Variants in COMMD1 observed in about 807,000 individuals in gnomAD.
COMMD1 encodes copper metabolism domain containing 1, also known as COMM domain-containing protein 1.
Under a neutral mutation model 17.2 loss-of-function variants are expected in COMMD1, and 10 were observed. The ratio of observed to expected loss-of-function variants is 0.58; its 90% confidence interval spans 0.36 to 0.99. The LOEUF (loss-of-function observed/expected upper bound fraction) is 0.99, where lower values mean the gene tolerates loss of function less well. COMMD1 is among the 50% of genes least tolerant of loss of function. COMMD1 has a pLI of 0.01. For synonymous variants in COMMD1, 97 were observed against 91.6 expected, an observed-to-expected ratio of 1.06 and a Z score of -0.34; for missense variants, 270 against 231.8, an observed-to-expected ratio of 1.17 and a Z score of -1.07.
At chr2:62,108,082 T>C (rs897846462) in intron 2 of COMMD1, among the ~76,000 whole-genome samples, 32 of 152,190 alleles carry the variant, frequency 2.1e-4, no homozygotes, top group African/African-American at 7.5e-4. Flanking sequence ...CTGAACTGTC[T>C]TCTCTCCCAT....
At chr2:62,004,357 G>T (rs946219422) in intron 2 of COMMD1, among the ~76,000 whole-genome samples, 3 of 152,156 alleles carry the variant, frequency 2.0e-5, no homozygotes, top group African/African-American at 7.2e-5. Flanking sequence ...CTGGAGTGCA[G>T]TGGCACAATC....
intron 2 of COMMD1, among the ~76,000 whole-genome samples, chr2:62,129,832 G>A (rs1203889509): frequency 6.6e-6 from 1 of 152,098 alleles, no homozygotes; most frequent in Non-Finnish European, 1.5e-5. Flanking sequence ...CATATGAAAG[G>A]ACAGCCCAAA....
intron 1 of COMMD1, among the ~76,000 whole-genome samples, chr2:61,944,507 T>G (rs1670855402): frequency 6.6e-6 from 1 of 152,040 alleles, no homozygotes; most frequent in Non-Finnish European, 1.5e-5. Context: ...GAACTAGAAT[T>G]AGGATCCTAG....
intron 2 of COMMD1, among the ~76,000 whole-genome samples, chr2:62,023,516 T>C (rs1669670541): frequency 1.3e-5 from 2 of 151,876 alleles, no homozygotes; most frequent in Admixed American, 1.3e-4. Context: ...AGAATTTCTC[T>C]CTTGTCACCC....
chr2:62,045,057 A>C (rs553035188), intron 2 of COMMD1, among the ~76,000 whole-genome samples: 5 of 152,284 alleles, frequency 3.3e-5, no homozygotes, highest in African/African-American at 1.2e-4. Flanking sequence ...GAGGCTGGCC[A>C]TGTGGGAAAA....
intron 1 of COMMD1, among the ~76,000 whole-genome samples, chr2:61,963,316 G>C (rs1671416260): frequency 6.6e-6 from 1 of 151,896 alleles, no homozygotes; most frequent in East Asian, 1.9e-4. Flanking sequence ...TATTGAACCT[G>C]AGGGGGTAGT....
At chr2:62,065,951 T>C (rs191498331) in intron 2 of COMMD1, among the ~76,000 whole-genome samples, 1 of 152,220 alleles carries the variant, frequency 6.6e-6, no homozygotes, top group Non-Finnish European at 1.5e-5. Context: ...GAGTGGGAAA[T>C]AGCTAGTCAC....
At chr2:61,957,777 C>T (rs1034127022) in intron 1 of COMMD1, among the ~76,000 whole-genome samples, 1 of 152,110 alleles carries the variant, frequency 6.6e-6, no homozygotes, top group Non-Finnish European at 1.5e-5. Context: ...AATCCATTCT[C>T]TAATAAACCA....
At chr2:62,019,258 C>T (rs997692783) in intron 2 of COMMD1, among the ~76,000 whole-genome samples, 1 of 151,820 alleles carries the variant, frequency 6.6e-6, no homozygotes, top group Non-Finnish European at 1.5e-5. Flanking sequence ...ACTACAACCT[C>T]TGCCTCCTGG....
At chr2:62,058,093 A>T (rs1670758695) in intron 2 of COMMD1, among the ~76,000 whole-genome samples, 1 of 152,218 alleles carries the variant, frequency 6.6e-6, no homozygotes, top group Admixed American at 6.5e-5. Flanking sequence ...TAAGTTTACA[A>T]TAAATCTTTT....
Position 61,905,688 on chromosome 2 carries a change from G to C in COMMD1, c.10G>C (p.Gly4Arg). The C allele has an allele frequency of 6.4e-7, 1 of 1,565,484 alleles. No homozygotes were observed. The highest frequency in any genetic ancestry group is 8.7e-7 in the Non-Finnish European group (1 of 1,153,100). MAAGELEGGKPLSG... is the reference protein window; with the variant it reads MAARELEGGKPLSG... ...GGGGCCTTCGCAGAGCATGGCGGCGGGCGAGCTTGAGGGTGGCAAACCCCT... is the reference window on the plus strand; with the variant it reads ...GGGGCCTTCGCAGAGCATGGCGGCGCGCGAGCTTGAGGGTGGCAAACCCCT... Residue 4 changes from glycine (G) to arginine (R), a missense_variant, in exon 1 of 3, where the codon GGC becomes CGC. Gly to Arg is a moderately radical substitution (Grantham distance 125). Coordinates refer to ENST00000311832, the MANE Select transcript of COMMD1 (RefSeq NM_152516.4).
chr2:61,911,835 A>G (rs1669915521), intron 1 of COMMD1, among the ~76,000 whole-genome samples: 1 of 152,188 alleles, frequency 6.6e-6, no homozygotes, highest in African/African-American at 2.4e-5. Flanking sequence ...CTTCTGCCCT[A>G]GGCCACAGGT....
chr2:62,015,562 G>A (rs188745075), intron 2 of COMMD1, among the ~76,000 whole-genome samples: 7 of 152,062 alleles, frequency 4.6e-5, no homozygotes, highest in Admixed American at 2.6e-4. Context: ...TGGATCATAC[G>A]GTAATTCTAT....
At chr2:61,937,023 C>T (rs112051764) in intron 1 of COMMD1, among the ~76,000 whole-genome samples, 143 of 152,024 alleles carry the variant, frequency 9.4e-4, no homozygotes, top group African/African-American at 3.4e-3. Flanking sequence ...CCAGGTCATA[C>T]GTAGATTTAA....
At chr2:61,993,794 C>T (rs1668661021) in intron 1 of COMMD1, among the ~76,000 whole-genome samples, 1 of 152,064 alleles carries the variant, frequency 6.6e-6, no homozygotes, top group Admixed American at 6.6e-5. Flanking sequence ...TTGACTGGAA[C>T]CCAACCAAAA....
chr2:61,976,283 C>A (rs566006679), intron 1 of COMMD1, among the ~76,000 whole-genome samples: 30 of 149,490 alleles, frequency 2.0e-4, no homozygotes, highest in Non-Finnish European at 3.7e-4. Context: ...CTATAAAAAA[C>A]CCATTTTAAA....
intron 1 of COMMD1, among the ~76,000 whole-genome samples, chr2:61,973,394 G>T (rs57455158): frequency 9.8e-5 from 15 of 152,324 alleles, no homozygotes; most frequent in African/African-American, 3.6e-4. Context: ...AGATGCTGGT[G>T]AGGATGTGGA....
Position 62,063,793 on chromosome 2 carries a change from C to CT in COMMD1, c.462+62819dup, listed in dbSNP as rs1215893525. On this transcript the variant is annotated intron_variant, in intron 2 of 2. Transcript: ENST00000311832. The stretch of plus-strand genomic sequence containing the variant: ...TTTCATTTCAAGAAATTCTATTTCG[C>CT]TTTTTTTTCATATCTGGTCATTTAA... Among the ~76,000 whole-genome samples, 45 of 147,202 alleles carry CT rather than the reference C, an allele frequency of 3.1e-4. 1 individual carries two copies. The East Asian group carries it at 7.2e-3, about 23-fold the overall frequency.
intron 1 of COMMD1, among the ~76,000 whole-genome samples, chr2:61,947,102 ACTT>A (rs1482159480): frequency 1.3e-5 from 2 of 152,154 alleles, no homozygotes; most frequent in African/African-American, 2.4e-5. Flanking sequence ...AGAAATATAA[ACTT>A]CTTCATAATA....
Sources: allele counts gnomAD v4.1 joint callset (sites outside exome capture counted in the v4.1 genomes callset), GRCh38; gene constraint gnomAD v4.1.1; transcripts MANE v1.5; gene names NCBI Gene and HGNC (gene_info 2026-07-23, HGNC 2026-07-21).